Variants in LIN52 observed in about 807,000 individuals in gnomAD.
The protein encoded by LIN52 is protein lin-52 homolog.
A neutral mutation model predicts 18.5 loss-of-function variants in LIN52; 4 were observed. That is an observed-to-expected ratio of 0.22 (90% CI 0.11 to 0.49). The LOEUF is 0.49. LIN52 is among the 20% of genes least tolerant of loss of function. The pLI, the probability that LIN52 is intolerant of heterozygous loss-of-function variation, is 0.97. For missense variants in LIN52, 102 were observed against 139.5 expected, an observed-to-expected ratio of 0.73 and a Z score of 1.35; for synonymous variants, 34 against 45.5, an observed-to-expected ratio of 0.75 and a Z score of 1.02.
intron 3 of LIN52, among the ~76,000 whole-genome samples, chr14:74,096,503 G>T (rs1229466503): frequency 2.0e-5 from 3 of 150,710 alleles, no homozygotes; most frequent in South Asian, 2.1e-4. Flanking sequence ...TTGTTTTTTT[G>T]TTTTTTTTAA....
At chr14:74,178,450 T>C (rs1168033580) in intron 5 of LIN52, among the ~76,000 whole-genome samples, 1 of 150,976 alleles carries the variant, frequency 6.6e-6, no homozygotes, top group Non-Finnish European at 1.5e-5. Flanking sequence ...AAGTACTCTT[T>C]ATTAAAATAA....
At chr14:74,096,695 A>C (rs2060815921) in intron 3 of LIN52, among the ~76,000 whole-genome samples, 1 of 152,182 alleles carries the variant, frequency 6.6e-6, no homozygotes, top group Non-Finnish European at 1.5e-5. Context: ...ATCAACATGC[A>C]GCTATGGAGC....
intron 5 of LIN52, among the ~76,000 whole-genome samples, chr14:74,152,959 CAAAAAAAAAAA>C (rs1189515836): frequency 1.4e-4 from 6 of 41,556 alleles, no homozygotes; most frequent in Non-Finnish European, 2.1e-4. Context: ...GACTCTGTCT[CAAAAAAAAAAA>C]AAAAAAAAAA....
At chr14:74,119,882 C>A (rs2060989617) in intron 5 of LIN52, among the ~76,000 whole-genome samples, 1 of 149,644 alleles carries the variant, frequency 6.7e-6, no homozygotes, top group African/African-American at 2.5e-5. Context: ...GTCGCCCAGG[C>A]TGGAGTGCAA....
At chr14:74,180,690 T>A (rs1249447554) in intron 5 of LIN52, among the ~76,000 whole-genome samples, 1 of 152,224 alleles carries the variant, frequency 6.6e-6, no homozygotes, top group Non-Finnish European at 1.5e-5. Flanking sequence ...AACTCTAACC[T>A]TCTGATTTTG....
At chr14:74,105,877 A>T (rs1428166025) in intron 5 of LIN52, among the ~76,000 whole-genome samples, 1 of 152,238 alleles carries the variant, frequency 6.6e-6, no homozygotes, top group African/African-American at 2.4e-5. Context: ...TATAAAAATT[A>T]TATGAACCTT....
At chr14:74,111,651 T>TA in intron 5 of LIN52, among the ~76,000 whole-genome samples, 2 of 149,280 alleles carry the variant, frequency 1.3e-5, no homozygotes, top group Admixed American at 1.4e-4. Context: ...TTTATTTATT[T>TA]TTGTGGGCTG....
At chr14:74,151,129 G>A (rs895097725) in intron 5 of LIN52, among the ~76,000 whole-genome samples, 4 of 152,168 alleles carry the variant, frequency 2.6e-5, no homozygotes, top group African/African-American at 7.2e-5. Flanking sequence ...TGATTCAGTA[G>A]ATGGCAGTAT....
chr14:74,167,195 A>C (rs917958521), intron 5 of LIN52, among the ~76,000 whole-genome samples: 2 of 151,278 alleles, frequency 1.3e-5, no homozygotes, highest in African/African-American at 4.9e-5. Flanking sequence ...AAATCCATGA[A>C]GGATAAAAGC....
chr14:74,166,373 C>T (rs533605992), intron 5 of LIN52, among the ~76,000 whole-genome samples: 7 of 151,774 alleles, frequency 4.6e-5, no homozygotes, highest in East Asian at 1.9e-4. Flanking sequence ...TGCGCCACCA[C>T]GCTGGCTAAT....
chr14:74,107,234 C>T (rs1454330641), intron 5 of LIN52, among the ~76,000 whole-genome samples: 1 of 152,172 alleles, frequency 6.6e-6, no homozygotes, highest in Non-Finnish European at 1.5e-5. Context: ...TGTTGATGAT[C>T]GCTTGGTTTA....
intron 5 of LIN52, among the ~76,000 whole-genome samples, chr14:74,172,712 C>T (rs1335128870): frequency 2.0e-5 from 3 of 152,126 alleles, no homozygotes; most frequent in Non-Finnish European, 2.9e-5. Flanking sequence ...TTTACTGGAG[C>T]CAGTGAGCAC....
At chr14:74,148,818 T>A (rs1423836586) in intron 5 of LIN52, among the ~76,000 whole-genome samples, 5 of 152,186 alleles carry the variant, frequency 3.3e-5, no homozygotes, top group African/African-American at 1.2e-4. Flanking sequence ...CTTTACATCA[T>A]AATTTGGCCA....
At chr14:74,121,639 T>C (rs1228520644) in intron 5 of LIN52, among the ~76,000 whole-genome samples, 1 of 152,114 alleles carries the variant, frequency 6.6e-6, no homozygotes, top group Non-Finnish European at 1.5e-5. Context: ...TTAAAAAATA[T>C]ATCACTCAAC....
intron 5 of LIN52, among the ~76,000 whole-genome samples, chr14:74,127,413 T>G (rs919899332): frequency 6.6e-6 from 1 of 152,160 alleles, no homozygotes; most frequent in Admixed American, 6.6e-5. Flanking sequence ...GCACAGTGTC[T>G]TTGAAGAACT....
chr14:74,140,895 A>AT (rs940530633), intron 5 of LIN52, among the ~76,000 whole-genome samples: 1 of 151,472 alleles, frequency 6.6e-6, no homozygotes, highest in Non-Finnish European at 1.5e-5. Context: ...CAAGTGCCTT[A>AT]TTTTTTTTCT....
intron 5 of LIN52, among the ~76,000 whole-genome samples, chr14:74,195,784 G>A (rs1332860085): frequency 6.6e-6 from 1 of 152,162 alleles, no homozygotes; most frequent in African/African-American, 2.4e-5. Flanking sequence ...TTCGGTTAGC[G>A]GGCGGTGATT....
At chr14:74,121,514 T>C (rs1321468262) in intron 5 of LIN52, among the ~76,000 whole-genome samples, 1 of 152,238 alleles carries the variant, frequency 6.6e-6, no homozygotes, top group Non-Finnish European at 1.5e-5. Context: ...TGCAAATGCT[T>C]TTATCACATA....
intron 5 of LIN52, among the ~76,000 whole-genome samples, chr14:74,173,194 T>C (rs1013242663): frequency 1.3e-5 from 2 of 152,250 alleles, no homozygotes; most frequent in African/African-American, 4.8e-5. Context: ...GTGTGTTTTG[T>C]TTTGTTTTTT....
Sources: allele counts gnomAD v4.1 joint callset (sites outside exome capture counted in the v4.1 genomes callset), GRCh38; gene constraint gnomAD v4.1.1; transcripts MANE v1.5; gene names NCBI Gene and HGNC (gene_info 2026-07-23, HGNC 2026-07-21).